The following ZMAT4 variants were observed in gnomAD, a reference collection of about 807,000 sequenced individuals.
ZMAT4 encodes the protein zinc finger matrin-type 4.
In ZMAT4, 17 loss-of-function variants were observed where a neutral mutation model predicts 28.7. The observed-to-expected ratio is 0.59, with a 90% CI of 0.41 to 0.89. The LOEUF is 0.89. Among genes scored for constraint, ZMAT4 ranks in the 40% least tolerant of loss-of-function variants. The pLI is 0.00. For synonymous variants in ZMAT4, 117 were observed against 109.2 expected (o/e 1.07, Z -0.44); for missense variants, 240 against 283.8 (o/e 0.85, Z 1.11).
intron 2 of ZMAT4, among the ~76,000 whole-genome samples, chr8:40,773,447 A>G (rs989260679): frequency 6.6e-5 from 10 of 152,288 alleles, no homozygotes; most frequent in Non-Finnish European, 1.2e-4. Context: ...CCAATCACAC[A>G]TAGCAGGGAA....
intron 5 of ZMAT4, among the ~76,000 whole-genome samples, chr8:40,663,678 A>C (rs1808291989): frequency 6.6e-6 from 1 of 152,216 alleles, no homozygotes; most frequent in Non-Finnish European, 1.5e-5. Context: ...GTCTACATAG[A>C]ACAGCTGAGG....
chr8:40,663,743 G>A (rs1003663115), intron 5 of ZMAT4, among the ~76,000 whole-genome samples: 3 of 152,126 alleles, frequency 2.0e-5, no homozygotes, highest in African/African-American at 7.2e-5. Context: ...AATCTAAGCT[G>A]AGTATTTTCT....
At chr8:40,739,867 C>T (rs1388908812) in intron 3 of ZMAT4, among the ~76,000 whole-genome samples, 1 of 152,184 alleles carries the variant, frequency 6.6e-6, no homozygotes, top group Non-Finnish European at 1.5e-5. Context: ...CATTATTCAG[C>T]TCCCACTTAT....
chr8:40,779,857 T>A (rs1813758642), intron 2 of ZMAT4, among the ~76,000 whole-genome samples: 1 of 151,990 alleles, frequency 6.6e-6, no homozygotes, highest in Admixed American at 6.6e-5. Context: ...AGAGGCAAAA[T>A]CAGGGAGAAA....
At chr8:40,625,485 G>T (rs1806340383) in intron 5 of ZMAT4, among the ~76,000 whole-genome samples, 3 of 152,082 alleles carry the variant, frequency 2.0e-5, no homozygotes, top group African/African-American at 4.8e-5. Context: ...GATAGAAGTG[G>T]TGAAAAATGG....
chr8:40,754,991 CAG>C (rs1812616357), intron 3 of ZMAT4, among the ~76,000 whole-genome samples: 3 of 151,694 alleles, frequency 2.0e-5, no homozygotes, highest in Admixed American at 2.0e-4. Context: ...GCCTGAGCAA[CAG>C]AGAGTGACCC....
chr8:40,808,260 A>T (rs76487039), intron 2 of ZMAT4, among the ~76,000 whole-genome samples: 1,835 of 151,758 alleles, frequency 0.012, 20 homozygotes, highest in Non-Finnish European at 0.02. Flanking sequence ...TAAGAAAATA[A>T]TTTTTTTTCT....
chr8:40,845,418 T>C (rs1816849039), intron 1 of ZMAT4, among the ~76,000 whole-genome samples: 1 of 152,168 alleles, frequency 6.6e-6, no homozygotes, highest in Non-Finnish European at 1.5e-5. Context: ...CTCCAGGCAA[T>C]TAAAAACACG....
chr8:40,576,531 GAA>G (rs202047657), intron 6 of ZMAT4, among the ~76,000 whole-genome samples: 2 of 130,022 alleles, frequency 1.5e-5, no homozygotes, highest in Non-Finnish European at 3.4e-5. Flanking sequence ...GGGCTGAAAG[GAA>G]AAAAAAAAAA....
chr8:40,566,746 A>G (rs1239504993), intron 6 of ZMAT4, among the ~76,000 whole-genome samples: 1 of 152,082 alleles, frequency 6.6e-6, no homozygotes, highest in Non-Finnish European at 1.5e-5. Context: ...ACCCAGTTAG[A>G]CCCACCTACA....
intron 6 of ZMAT4, among the ~76,000 whole-genome samples, chr8:40,576,531 G>GAA (rs202047657): frequency 0.15 from 19,088 of 129,862 alleles, 1,735 homozygotes; most frequent in African/African-American, 0.25. Context: ...GGGCTGAAAG[G>GAA]AAAAAAAAAA....
rs573575975 is a variant in ZMAT4, at chr8:40,557,432, T to G, written c.674+23733A>C. On this transcript the variant is annotated intron_variant, in intron 6 of 6. Coordinates refer to ENST00000297737, the MANE Select transcript of ZMAT4 (RefSeq NM_024645.3). ...TGCATTCCAGGGTTTTTTCTAGTACTATTTTAAAGATTTGTAGTTCCCTGA... is the reference window on the plus strand; with the variant it reads ...TGCATTCCAGGGTTTTTTCTAGTACGATTTTAAAGATTTGTAGTTCCCTGA... Among the ~76,000 whole-genome samples, 3 of 152,322 alleles carry G rather than the reference T, an allele frequency of 2.0e-5. No homozygotes were observed. In the South Asian group the frequency reaches 6.2e-4, roughly 32 times the overall value.
At chr8:40,880,754 C>T (rs182872609) in intron 1 of ZMAT4, among the ~76,000 whole-genome samples, 1 of 152,202 alleles carries the variant, frequency 6.6e-6, no homozygotes, top group African/African-American at 2.4e-5. Context: ...TGATACTATG[C>T]TAATTACTCA....
At chr8:40,865,888 G>GTC (rs1817663007) in intron 1 of ZMAT4, among the ~76,000 whole-genome samples, 1 of 152,114 alleles carries the variant, frequency 6.6e-6, no homozygotes, top group African/African-American at 2.4e-5. Flanking sequence ...ATTTTAGAAG[G>GTC]CCAAACCAAC....
intron 4 of ZMAT4, among the ~76,000 whole-genome samples, chr8:40,685,450 G>T (rs1250118942): frequency 6.6e-6 from 1 of 152,106 alleles, no homozygotes; most frequent in African/African-American, 2.4e-5. Flanking sequence ...GTCCCTAGGG[G>T]AGCAGAAGCC....
chr8:40,698,504 G>T (rs1284343797), intron 3 of ZMAT4, among the ~76,000 whole-genome samples: 2 of 152,148 alleles, frequency 1.3e-5, no homozygotes, highest in Admixed American at 1.3e-4. Context: ...AGAGCAAGCT[G>T]GAATGAGTAT....
intron 1 of ZMAT4, among the ~76,000 whole-genome samples, chr8:40,874,044 G>C (rs952383866): frequency 1.3e-5 from 2 of 152,174 alleles, no homozygotes; most frequent in Non-Finnish European, 2.9e-5. Context: ...TCCTATCAGA[G>C]GTCCTTTCCG....
At chr8:40,747,476 C>T (rs1812287279) in intron 3 of ZMAT4, among the ~76,000 whole-genome samples, 1 of 152,018 alleles carries the variant, frequency 6.6e-6, no homozygotes, top group Non-Finnish European at 1.5e-5. Context: ...TTTTACTTTT[C>T]CCTCGATAGC....
At chr8:40,764,838 T>C (rs771233527) in intron 3 of ZMAT4, among the ~76,000 whole-genome samples, 10 of 152,068 alleles carry the variant, frequency 6.6e-5, no homozygotes, top group Non-Finnish European at 2.9e-5. Flanking sequence ...ATTATTATTA[T>C]TATTATTTTT....
Sources: allele counts gnomAD v4.1 joint callset (sites outside exome capture counted in the v4.1 genomes callset), GRCh38; gene constraint gnomAD v4.1.1; transcripts MANE v1.5; gene names NCBI Gene and HGNC (gene_info 2026-07-23, HGNC 2026-07-21).